NDST4: variants seen among roughly 807,000 people sequenced by gnomAD.
The protein encoded by NDST4 is N-heparan sulfate sulfotransferase 4.
Under a neutral mutation model 100.8 loss-of-function variants are expected in NDST4, and 63 were observed. That is an observed-to-expected ratio of 0.62 (90% confidence interval 0.51 to 0.77). The LOEUF is 0.77. Ranked by LOEUF, NDST4 falls within the 30% of genes least tolerant of loss-of-function variation. The pLI is 0.00. For missense variants in NDST4, 943 were observed against 1,018.4 expected (o/e 0.93, Z 1.01); for synonymous variants, 377 against 361.8 (o/e 1.04, Z -0.48).
chr4:115,001,160 A>C (rs961930775), intron 2 of NDST4, among the ~76,000 whole-genome samples: 1 of 152,044 alleles, frequency 6.6e-6, no homozygotes, highest in Non-Finnish European at 1.5e-5. Context: ...TAGAGTGATC[A>C]CTTTTGCTTT....
Position 114,911,664 on chromosome 4 carries a change from C to T in NDST4, c.1536+23542G>A, listed in dbSNP as rs79059706. ...TTTTCTTAAGTACTTGTTACTCTTC[C>T]GTAGAAAAATGGAGGAAGAAAATCA... On this transcript the variant is annotated intron_variant, in intron 6 of 13. Transcript: ENST00000264363. 7.1e-3 allele frequency among the ~76,000 whole-genome samples: 1,081 copies of T among 152,090 alleles called. 11 individuals are homozygous for T. The highest frequency in any genetic ancestry group is 0.025 in the African/African-American group (1,037 of 41,488).
chr4:114,827,857 G>C lies in NDST4; in HGVS notation c.2578C>G (p.Leu860Val). The C allele has an allele frequency of 1.2e-6, 2 of 1,612,636 alleles. No homozygotes were observed. ...SKLLHRLGQP[L>V]PSWLRQELQK... ...AGTTCCTGTCTCAGCCACGATGGCA[G>C]AGGCTGTCCCAGTCTGTGTAGCAGT... Residue 860 changes from leucine to valine, a missense_variant, in exon 14 of 14, where the codon CTG becomes GTG. Coordinates refer to ENST00000264363, the MANE Select transcript of NDST4 (RefSeq NM_022569.3).
At chr4:115,024,371 G>T (rs1250401676) in intron 2 of NDST4, among the ~76,000 whole-genome samples, 1 of 152,132 alleles carries the variant, frequency 6.6e-6, no homozygotes, top group Non-Finnish European at 1.5e-5. Context: ...CAAAGGAGTG[G>T]GGCTGCCTGA....
rs191407329 is a variant in NDST4 at position 114,942,220 on chromosome 4, T to C, written c.1222-4717A>G. On this transcript the variant is annotated intron_variant, in intron 4 of 13. Transcript: ENST00000264363. ...AGTTAAACTACACTTGAAATAATTGTTTTTCAGTTCATGACTTACGTTAAG... is the reference window on the plus strand; with the variant it reads ...AGTTAAACTACACTTGAAATAATTGCTTTTCAGTTCATGACTTACGTTAAG... Among the ~76,000 whole-genome samples, 266 of 152,262 alleles carry C rather than the reference T, an allele frequency of 1.7e-3. 1 individual carries two copies. The highest frequency in any genetic ancestry group is 0.01 in the Middle Eastern group (3 of 294).
chr4:115,014,403 G>A (rs1727630018), intron 2 of NDST4, among the ~76,000 whole-genome samples: 1 of 152,050 alleles, frequency 6.6e-6, no homozygotes, highest in African/African-American at 2.4e-5. Flanking sequence ...AAGTTCAGAG[G>A]CCTTCTACCT....
At chr4:114,937,885 G>A (rs187988786) in intron 4 of NDST4, among the ~76,000 whole-genome samples, 2 of 147,782 alleles carry the variant, frequency 1.4e-5, no homozygotes, top group Non-Finnish European at 3.0e-5. Context: ...ACGTGTGTGT[G>A]TGTGGCGGGG....
chr4:114,962,895 A>T (rs560461546), intron 4 of NDST4, among the ~76,000 whole-genome samples: 1 of 152,268 alleles, frequency 6.6e-6, no homozygotes, highest in South Asian at 2.1e-4. Flanking sequence ...CACTAGAATG[A>T]CTATAATAAA....
intron 4 of NDST4, among the ~76,000 whole-genome samples, chr4:114,944,606 G>T (rs185657980): frequency 6.6e-6 from 1 of 152,140 alleles, no homozygotes. Context: ...TAGATCCTAG[G>T]AACACAGATT....
chr4:114,927,691 A>G (rs1198152747), intron 6 of NDST4, among the ~76,000 whole-genome samples: 1 of 152,134 alleles, frequency 6.6e-6, no homozygotes, highest in Admixed American at 6.5e-5. Context: ...TAACAATACT[A>G]AGTACAGAAA....
chr4:114,910,148 G>C (rs1351487018), intron 6 of NDST4, among the ~76,000 whole-genome samples: 1 of 152,146 alleles, frequency 6.6e-6, no homozygotes, highest in African/African-American at 2.4e-5. Flanking sequence ...GTTGGATTCT[G>C]TCTCAGGATG....
chr4:114,963,682 A>G (rs1247996611), intron 4 of NDST4, among the ~76,000 whole-genome samples: 1 of 152,220 alleles, frequency 6.6e-6, no homozygotes, highest in African/African-American at 2.4e-5. Context: ...AGTTCTAAAT[A>G]CATTTTCAAC....
chr4:115,095,622 T>C (rs1729604140), intron 1 of NDST4, among the ~76,000 whole-genome samples: 1 of 152,108 alleles, frequency 6.6e-6, no homozygotes, highest in Admixed American at 6.6e-5. Context: ...AATTACCAAC[T>C]AGTACCTGGG....
intron 2 of NDST4, among the ~76,000 whole-genome samples, chr4:114,980,199 A>C (rs950907036): frequency 5.9e-5 from 9 of 152,338 alleles, no homozygotes; most frequent in Admixed American, 2.6e-4. Flanking sequence ...AAAACCCTTC[A>C]ATTTTTAAAA....
intron 2 of NDST4, among the ~76,000 whole-genome samples, chr4:115,006,740 T>A (rs1181579146): frequency 3.3e-5 from 5 of 152,062 alleles, no homozygotes; most frequent in African/African-American, 1.2e-4. Context: ...TCTGGAGTTG[T>A]CATGTGTCTG....
intron 2 of NDST4, among the ~76,000 whole-genome samples, chr4:115,066,943 C>T (rs147289940): frequency 6.6e-6 from 1 of 152,318 alleles, no homozygotes; most frequent in Non-Finnish European, 1.5e-5. Context: ...TCCAATCCCA[C>T]ATTTCCTCCA....
At chr4:115,079,267 G>A (rs1472516226) in intron 1 of NDST4, among the ~76,000 whole-genome samples, 2 of 151,290 alleles carry the variant, frequency 1.3e-5, no homozygotes, top group Non-Finnish European at 2.9e-5. Flanking sequence ...CAGGATAAAT[G>A]CTTGAACCTG....
chr4:115,043,352 T>C (rs1728394321), intron 2 of NDST4, among the ~76,000 whole-genome samples: 1 of 152,110 alleles, frequency 6.6e-6, no homozygotes, highest in Non-Finnish European at 1.5e-5. Context: ...CACTAAAATA[T>C]ACTTTCTGCA....
chr4:115,104,300 G>A (rs1413880419), intron 1 of NDST4, among the ~76,000 whole-genome samples: 2 of 152,008 alleles, frequency 1.3e-5, no homozygotes, highest in Non-Finnish European at 2.9e-5. Flanking sequence ...TGCTTTTTTG[G>A]AAGAAATTAC....
intron 1 of NDST4, among the ~76,000 whole-genome samples, chr4:115,103,777 T>C (rs186056665): frequency 1.3e-5 from 2 of 152,292 alleles, no homozygotes; most frequent in Admixed American, 6.5e-5. Context: ...TAGTAACATG[T>C]AAATATATCC....
Sources: gnomAD v4.1 joint callset for allele counts (sites outside exome capture counted in the v4.1 genomes callset) on GRCh38, gnomAD v4.1.1 for gene constraint, MANE v1.5 for transcripts, NCBI Gene and HGNC (gene_info 2026-07-23, HGNC 2026-07-21) for gene names.